LMBR1: variants seen among roughly 807,000 people sequenced by gnomAD.
The protein encoded by LMBR1 is limb development membrane protein 1, also known as limb region 1 protein homolog.
Under a neutral mutation model 73.9 loss-of-function variants are expected in LMBR1, and 52 were observed. The observed-to-expected ratio is 0.70, with a 90% CI of 0.56 to 0.89. The LOEUF is 0.89. Among genes scored for constraint, LMBR1 ranks in the 40% least tolerant of loss-of-function variants. LMBR1 has a pLI of 0.00. For synonymous variants in LMBR1, 215 were observed against 209.4 expected, an observed-to-expected ratio of 1.03 and a Z score of -0.23; for missense variants, 539 against 579.8, an observed-to-expected ratio of 0.93 and a Z score of 0.72.
chr7:156,763,190 G>T lies in LMBR1; in HGVS notation c.551-14C>A, dbSNP rs756532799. The stretch of plus-strand genomic sequence containing the variant: ...ACTCCCAGAGATCTATTAAAAAAAA[G>T]TAAATATATTTTAATAAATCCAAAA... On this transcript the variant is annotated splice_polypyrimidine_tract_variant and intron_variant, in intron 6 of 16. Coordinates refer to ENST00000353442, the MANE Select transcript of LMBR1 (RefSeq NM_022458.4). The T allele has an allele frequency of 3.5e-6, 4 of 1,154,170 alleles. No individual in the cohort carries two copies. The South Asian group carries it at 5.8e-5, about 17-fold the overall frequency. 71.5% of individuals were successfully genotyped at this position (1,154,170 alleles called of 1,614,324 possible).
intron 9 of LMBR1, among the ~76,000 whole-genome samples, chr7:156,749,946 C>T (rs151239437): frequency 0.012 from 1,859 of 152,148 alleles, 15 homozygotes; most frequent in Non-Finnish European, 0.019. Flanking sequence ...GCCTCGGCCT[C>T]CCAAAGTGCT....
intron 4 of LMBR1, among the ~76,000 whole-genome samples, chr7:156,800,620 C>T (rs909625161): frequency 6.6e-6 from 1 of 152,138 alleles, no homozygotes; most frequent in African/African-American, 2.4e-5. Flanking sequence ...CATTCTGTAG[C>T]CCATGGATCA....
chr7:156,721,559 C>T (rs1460811299), intron 15 of LMBR1, among the ~76,000 whole-genome samples: 1 of 152,076 alleles, frequency 6.6e-6, no homozygotes, highest in East Asian at 1.9e-4. Flanking sequence ...AAAATACAGA[C>T]ATCAAATCTC....
At chr7:156,877,611 C>T (rs923265552) in intron 1 of LMBR1, among the ~76,000 whole-genome samples, 2 of 152,122 alleles carry the variant, frequency 1.3e-5, no homozygotes, top group East Asian at 1.9e-4. Context: ...CGGCCGGGCG[C>T]GGTGGCTCAT....
chr7:156,708,092 T>C (rs1390596692), intron 15 of LMBR1, among the ~76,000 whole-genome samples: 1 of 151,392 alleles, frequency 6.6e-6, no homozygotes, highest in Non-Finnish European at 1.5e-5. Context: ...CAATCCCATT[T>C]ACAATAGCCA....
chr7:156,823,878 C>G (rs1372091345), intron 4 of LMBR1: 1 of 152,290 alleles, frequency 6.6e-6, no homozygotes, highest in Non-Finnish European at 1.5e-5. Context: ...ATCACAAGGT[C>G]AGGAGATCGA....
chr7:156,700,121 T>G (rs1456124110), intron 15 of LMBR1, among the ~76,000 whole-genome samples: 2 of 152,086 alleles, frequency 1.3e-5, no homozygotes, highest in Non-Finnish European at 2.9e-5. Flanking sequence ...CTATTCACAA[T>G]AGCAAAGACT....
At position 156,891,190 on chromosome 7, in the gene LMBR1, C is replaced by CA. The variant is rs58107543; in HGVS notation, c.66+1737dup. On this transcript the variant is annotated intron_variant, in intron 1 of 16. Transcript: ENST00000353442. ...TGGGAGACAGAGCGAGACTCCATCA[C>CA]AAAAAAAAAAAAAAAAAAAAAATAT... Among the ~76,000 whole-genome samples the CA allele has an allele frequency of 9.0e-3, 186 of 20,558 alleles. 5 individuals are homozygous for CA. The highest frequency in any genetic ancestry group is 0.036 in the Middle Eastern group (1 of 28). 13.5% of individuals were successfully genotyped at this position (20,558 alleles called of 152,430 possible). A position where few individuals can be genotyped will look rare whatever the true frequency, so the allele number is the denominator to read the frequency against.
At chr7:156,784,543 G>A (rs1178886827) in intron 5 of LMBR1, among the ~76,000 whole-genome samples, 3 of 152,138 alleles carry the variant, frequency 2.0e-5, no homozygotes, top group African/African-American at 7.2e-5. Flanking sequence ...GCTTCTGTCT[G>A]TCCCTTATGT....
intron 9 of LMBR1, among the ~76,000 whole-genome samples, chr7:156,754,325 A>G (rs1486991975): frequency 6.6e-6 from 1 of 152,210 alleles, no homozygotes; most frequent in African/African-American, 2.4e-5. Context: ...AACTCTAGTA[A>G]TATCATAACT....
intron 3 of LMBR1, among the ~76,000 whole-genome samples, chr7:156,832,837 A>C (rs1836923557): frequency 1.3e-5 from 2 of 152,216 alleles, no homozygotes; most frequent in Admixed American, 1.3e-4. Context: ...CAAGGTCAGG[A>C]AAGTCAAGGA....
At chr7:156,862,601 A>C (rs1449181984) in intron 1 of LMBR1, among the ~76,000 whole-genome samples, 2 of 152,224 alleles carry the variant, frequency 1.3e-5, no homozygotes, top group African/African-American at 4.8e-5. Flanking sequence ...ACTTCATTAT[A>C]ATTTAAAACT....
chr7:156,837,209 C>T (rs983815033), intron 1 of LMBR1, among the ~76,000 whole-genome samples: 11 of 151,546 alleles, frequency 7.3e-5, no homozygotes, highest in African/African-American at 2.7e-4. Flanking sequence ...TGGCGGTGCA[C>T]CTGCAATCCC....
At chr7:156,676,245 G>GTATA (rs113735598), downstream of LMBR1, 1,281 of 1,506,304 alleles carry the variant, frequency 8.5e-4, 11 homozygotes, top group African/African-American at 0.016. Flanking sequence ...ATATGTGTGT[G>GTATA]TATATATATA....
At chr7:156,877,602 G>A (rs551934742) in intron 1 of LMBR1, among the ~76,000 whole-genome samples, 4 of 152,262 alleles carry the variant, frequency 2.6e-5, no homozygotes, top group East Asian at 1.9e-4. Context: ...TACGCAAGTC[G>A]GCCGGGCGCG....
intron 5 of LMBR1, among the ~76,000 whole-genome samples, chr7:156,769,814 G>A (rs1481755163): frequency 1.3e-5 from 2 of 152,190 alleles, no homozygotes; most frequent in Non-Finnish European, 2.9e-5. Context: ...TTCACAGCAC[G>A]TGGTAATAAG....
At chr7:156,714,063 T>G (rs1482939165) in intron 15 of LMBR1, among the ~76,000 whole-genome samples, 6 of 152,100 alleles carry the variant, frequency 3.9e-5, no homozygotes, top group Admixed American at 3.9e-4. Context: ...TTTTAAACAA[T>G]GCAATATTTC....
At chr7:156,712,722 T>G (rs933930380) in intron 15 of LMBR1, among the ~76,000 whole-genome samples, 14 of 152,070 alleles carry the variant, frequency 9.2e-5, no homozygotes, top group Admixed American at 2.0e-4. Flanking sequence ...ACAACATGGG[T>G]GGAATCATCA....
intron 5 of LMBR1, among the ~76,000 whole-genome samples, chr7:156,778,977 C>T (rs1252139920): frequency 6.6e-6 from 1 of 152,106 alleles, no homozygotes; most frequent in Non-Finnish European, 1.5e-5. Context: ...AAAAGATGTA[C>T]CAGATGTCAG....
Sources: allele counts gnomAD v4.1 joint callset (sites outside exome capture counted in the v4.1 genomes callset), GRCh38; gene constraint gnomAD v4.1.1; transcripts MANE v1.5; gene names NCBI Gene and HGNC (gene_info 2026-07-23, HGNC 2026-07-21).